The following GLS variants were observed in gnomAD, a reference collection of about 807,000 sequenced individuals.
GLS encodes glutaminase kidney isoform, mitochondrial.
Under a neutral mutation model 86.7 loss-of-function variants are expected in GLS, and 36 were observed. That is an observed-to-expected ratio of 0.42 (90% CI 0.32 to 0.55). The LOEUF is 0.55. GLS is among the 20% of genes least tolerant of loss of function. GLS has a pLI of 0.17. For missense variants in GLS, 528 were observed against 833.4 expected (o/e 0.63, Z 4.51); for synonymous variants, 317 against 305.9 (o/e 1.04, Z -0.38).
chr2:190,926,496 TCTC>T (rs1314776533), intron 11 of GLS, among the ~76,000 whole-genome samples: 3 of 152,182 alleles, frequency 2.0e-5, no homozygotes, highest in Non-Finnish European at 4.4e-5. Flanking sequence ...AACTCATTCT[TCTC>T]CTATCCACTT....
chr2:190,928,250 TATC>T (rs1392122361), intron 12 of GLS, among the ~76,000 whole-genome samples: 2 of 151,948 alleles, frequency 1.3e-5, no homozygotes, highest in African/African-American at 4.8e-5. Flanking sequence ...AAAACTTTAA[TATC>T]ATTATTAATA....
At chr2:190,923,530 C>A (rs1689811481) in intron 9 of GLS, among the ~76,000 whole-genome samples, 1 of 152,164 alleles carries the variant, frequency 6.6e-6, no homozygotes, top group South Asian at 2.1e-4. Context: ...ATGATTATGT[C>A]AAGTTCCCTG....
chr2:190,950,379 G>C (rs1183683577), intron 14 of GLS, among the ~76,000 whole-genome samples: 1 of 152,210 alleles, frequency 6.6e-6, no homozygotes, highest in Non-Finnish European at 1.5e-5. Context: ...GAGGTGATAA[G>C]GTGGTGGTTC....
rs2124829235 is a variant in GLS at position 190,897,054 on chromosome 2, A to T, written c.605+1329A>T. 6.6e-6 allele frequency among the ~76,000 whole-genome samples: 1 copy of T among 151,904 alleles called. No individual in the cohort carries two copies. The highest frequency in any genetic ancestry group is 1.5e-5 in the Non-Finnish European group (1 of 67,958). ...TACACTTTTTTTTTTTAAGAGACAG[A>T]GTCTCATTCTGTCGCCCAGGCTGGA... is the stretch of plus-strand genomic sequence containing the variant. On this transcript the variant is annotated intron_variant, in intron 3 of 17. Transcript: ENST00000320717. The surrounding 1 kb of genome is among the most constrained non-coding windows in gnomAD (Gnocchi z 4.3).
At position 190,905,299 on chromosome 2, in the gene GLS, A is replaced by T; in HGVS notation, c.979+132A>T. On this transcript the variant is annotated intron_variant, in intron 6 of 17. Coordinates refer to ENST00000320717, the MANE Select transcript of GLS (RefSeq NM_014905.5). The surrounding 1 kb of genome is among the most constrained non-coding windows in gnomAD (Gnocchi z 4.6). ...TGATTTCTATATAATCCATTGAGAG[A>T]GTTTCATCACCTACTTTTAAAAATG... The T allele has an allele frequency of 1.7e-6, 1 of 601,670 alleles. No homozygotes were observed. Among genetic ancestry groups the T allele is most frequent in the Non-Finnish European group, 2.9e-6 (1 of 348,064 alleles). The allele number at this position is 601,670 out of a possible 1,614,324, so 37.3% of individuals were successfully genotyped here. A position where few individuals can be genotyped will look rare whatever the true frequency, so the allele number is the denominator to read the frequency against.
At chr2:190,909,482 C>A (rs1261033032) in intron 6 of GLS, among the ~76,000 whole-genome samples, 1 of 152,190 alleles carries the variant, frequency 6.6e-6, no homozygotes, top group Non-Finnish European at 1.5e-5. Flanking sequence ...CCCCCTCCCC[C>A]ACTTCTGGTA....
chr2:190,905,953 C>G lies in GLS; in HGVS notation c.979+786C>G, dbSNP rs997652345. On this transcript the variant is annotated intron_variant, in intron 6 of 17. Coordinates refer to ENST00000320717, the MANE Select transcript of GLS (RefSeq NM_014905.5). This position sits in a 1 kb window ranked among gnomAD's most constrained non-coding sequence, Gnocchi z 4.6. ...AGATACACTTTTGTACTTTTTTTTT[C>G]TGCTGTATAAAAAATGAAATGTGCC... Among the ~76,000 whole-genome samples, 1 of 151,004 alleles carries G rather than the reference C, an allele frequency of 6.6e-6. No homozygotes were observed. The highest frequency in any genetic ancestry group is 1.5e-5 in the Non-Finnish European group (1 of 67,700).
chr2:190,916,208 T>G (rs980906352), intron 7 of GLS, among the ~76,000 whole-genome samples: 13 of 152,164 alleles, frequency 8.5e-5, no homozygotes, highest in African/African-American at 2.4e-5. Flanking sequence ...TATGGGAAAT[T>G]ATTAGCAAAT....
chr2:190,902,779 A>G (rs1019215758), intron 5 of GLS, among the ~76,000 whole-genome samples: 2 of 152,182 alleles, frequency 1.3e-5, no homozygotes, highest in Non-Finnish European at 2.9e-5. Context: ...CGCCAAAGAG[A>G]AAAATCAATA....
intron 7 of GLS, among the ~76,000 whole-genome samples, chr2:190,917,041 C>T (rs914385734): frequency 1.3e-5 from 2 of 152,076 alleles, no homozygotes; most frequent in African/African-American, 2.4e-5. Context: ...TAAAATAAGA[C>T]GACAATGAAG....
chr2:190,937,993 T>A (rs1050600001), intron 14 of GLS, among the ~76,000 whole-genome samples: 1 of 151,360 alleles, frequency 6.6e-6, no homozygotes, highest in Non-Finnish European at 1.5e-5. Context: ...ACTGCTTCTG[T>A]CGGTTAATCT....
At position 190,883,670 on chromosome 2, in the gene GLS, T is replaced by G. The variant is rs1688282044; in HGVS notation, c.386+2200T>G. ...ATGAAGGTTTTTAATTTTTTTAGTT[T>G]CCACAAAAATGTTTATCTTGAGAAA... On this transcript the variant is annotated intron_variant, in intron 1 of 17. Coordinates refer to ENST00000320717, the MANE Select transcript of GLS (RefSeq NM_014905.5). 2.6e-5 allele frequency among the ~76,000 whole-genome samples: 4 copies of G among 152,342 alleles called. No individual in the cohort carries two copies. In the South Asian group the frequency reaches 8.3e-4, roughly 32 times the overall value.
chr2:190,889,544 T>C (rs759352604), intron 1 of GLS, among the ~76,000 whole-genome samples: 1 of 152,238 alleles, frequency 6.6e-6, no homozygotes, highest in East Asian at 1.9e-4. Flanking sequence ...TCAGAGTGAT[T>C]GCAGTGACAG....
In GLS at chr2:190,926,623, T is replaced by G. The variant is rs532051017; in HGVS notation, c.1249-683T>G. Among the ~76,000 whole-genome samples the G allele has an allele frequency of 5.9e-5, 9 of 152,340 alleles. No homozygotes were observed. The East Asian group carries it at 1.7e-3, about 29-fold the overall frequency. ...TTGGGTTTGGTACGGTGAACTATTT[T>G]CATTATTTTGATTGTATTTAAATGC... On this transcript the variant is annotated intron_variant, in intron 11 of 17. Transcript: ENST00000320717.
intron 9 of GLS, among the ~76,000 whole-genome samples, chr2:190,923,060 C>G (rs116794625): frequency 1.9e-4 from 29 of 152,252 alleles, no homozygotes; most frequent in Admixed American, 4.6e-4. Flanking sequence ...TTGATCATAC[C>G]TCTCCTTCCA....
chr2:190,928,129 ATC>A (rs1422019055), intron 12 of GLS, among the ~76,000 whole-genome samples: 1 of 152,074 alleles, frequency 6.6e-6, no homozygotes, highest in Admixed American at 6.5e-5. Flanking sequence ...CTGTATGTGC[ATC>A]TGTTTCCCCT....
chr2:190,963,298 ATGG>A lies in GLS; in HGVS notation c.*315_*317del, dbSNP rs1285801249. The A allele has an allele frequency of 4.6e-6, 1 of 217,904 alleles. No individual in the cohort carries two copies. The highest frequency in any genetic ancestry group is 2.3e-5 in the African/African-American group (1 of 43,164). 13.5% of individuals were successfully genotyped at this position (217,904 alleles called of 1,614,324 possible). ...TTTGTGTTTTGTGAATTTTCAATTT[ATGG>A]TGATGATCTGCTGATATGCATTTAT... On this transcript the variant is annotated 3_prime_UTR_variant, in exon 18 of 18. Transcript: ENST00000320717.
intron 17 of GLS, among the ~76,000 whole-genome samples, chr2:190,958,327 T>TTA (rs1690911297): frequency 6.6e-6 from 1 of 152,174 alleles, no homozygotes; most frequent in Non-Finnish European, 1.5e-5. Flanking sequence ...CTTCTCTTCT[T>TTA]ATTAGTCTTG....
intron 1 of GLS, among the ~76,000 whole-genome samples, chr2:190,888,800 A>G (rs1438539363): frequency 6.6e-6 from 1 of 152,190 alleles, no homozygotes; most frequent in Admixed American, 6.5e-5. Flanking sequence ...ATCTTGTATC[A>G]GTTGACTGTT....
Sources: allele counts gnomAD v4.1 joint callset (sites outside exome capture counted in the v4.1 genomes callset), GRCh38; gene constraint gnomAD v4.1.1; non-coding constraint Gnocchi (gnomAD v3.1); transcripts MANE v1.5; gene names NCBI Gene and HGNC (gene_info 2026-07-23, HGNC 2026-07-21).